MPP1: variants seen among roughly 807,000 people sequenced by gnomAD.
The protein encoded by MPP1 is 55 kDa erythrocyte membrane protein.
MPP1 carries 6 observed loss-of-function variants against 38.2 expected under a neutral mutation model. The observed-to-expected ratio is 0.16, with a 90% CI of 0.09 to 0.31. The LOEUF (loss-of-function observed/expected upper bound fraction) is 0.31. Among genes scored for constraint, MPP1 ranks in the 10% least tolerant of loss-of-function variants. MPP1 has a pLI of 1.00. For synonymous variants in MPP1, 153 were observed against 146.3 expected (o/e 1.05, Z -0.33); for missense variants, 293 against 368.9 (o/e 0.79, Z 1.69).
In MPP1 at chrX:154,784,016, A is replaced by G; in HGVS notation, c.865+12T>C. ...AAGACAGAAATGTGCAAATGGGGCA[A>G]TGAGAAGATACCGATCAGCACCAGG... On this transcript the variant is annotated intron_variant, in intron 8 of 11. Coordinates refer to ENST00000369534, the MANE Select transcript of MPP1 (RefSeq NM_002436.4). The G allele has an allele frequency of 8.3e-7, 1 of 1,203,884 alleles. No homozygotes were observed.
intron 10 of MPP1, 81 bp from the exon 11 acceptor site, chrX:154,781,394 CATAATGGATTCCTTCTAA>C: frequency 1.2e-6 from 1 of 850,554 alleles, no homozygotes; most frequent in Non-Finnish European, 1.7e-6. Flanking sequence ...ACATAGCTGT[CATAATGGATTCCTTCTAA>C]TAAGCAGCTT....
rs1327482286 is a variant in MPP1 at position 154,801,777 on chromosome X, A to AAAC, written c.102+3494_102+3495insGTT. 3.4e-4 allele frequency among the ~76,000 whole-genome samples: 30 copies of AAAC among 87,952 alleles called. 1 individual carries two copies. In the East Asian group the frequency reaches 9.8e-3, roughly 29 times the overall value. 76.4% of individuals were successfully genotyped at this position (87,952 alleles called of 115,157 possible). ...CTGTCTCAAAAAAAAAAAAAAAAAA[A>AAAC]AAAAAAAAACAAAAAACAGAAAAAA... On this transcript the variant is annotated intron_variant, in intron 1 of 11. Transcript: ENST00000369534.
chrX:154,795,193 GAGAA>G (rs2072181934), intron 1 of MPP1, among the ~76,000 whole-genome samples: 1 of 112,033 alleles, frequency 8.9e-6, no homozygotes, highest in Non-Finnish European at 1.9e-5. Flanking sequence ...GGGAAGTACT[GAGAA>G]AGAGAAACTG....
At chrX:154,805,174 G>T in intron 1 of MPP1, 98 bp downstream of exon 1, 2 of 877,933 alleles carry the variant, frequency 2.3e-6, no homozygotes, top group Non-Finnish European at 3.2e-6. Context: ...GACCCGCAAG[G>T]ACAGGCCCCC....
intron 1 of MPP1, among the ~76,000 whole-genome samples, chrX:154,798,130 T>A (rs1378561623): frequency 8.9e-6 from 1 of 112,529 alleles, no homozygotes; most frequent in Admixed American, 9.4e-5. Context: ...TACTCATAAC[T>A]GGTGAAGCTG....
chrX:154,789,156 T>C (rs1460075319), intron 5 of MPP1, among the ~76,000 whole-genome samples: 1 of 111,888 alleles, frequency 8.9e-6, no homozygotes, highest in Admixed American at 9.5e-5. Context: ...AAAACTGCAA[T>C]TTAAAAGTTT....
At chrX:154,795,341 G>A (rs2072183655) in intron 1 of MPP1, among the ~76,000 whole-genome samples, 1 of 111,781 alleles carries the variant, frequency 8.9e-6, no homozygotes, top group Non-Finnish European at 1.9e-5. Flanking sequence ...CACCATGTAG[G>A]TAGGAAAAGG....
chrX:154,792,179 C>T lies in MPP1; in HGVS notation c.209G>A (p.Arg70Gln), dbSNP rs1210266367. ...QVKGQEVRKV[R>Q]LIQFEKVTEE... ...TGTGACCTTCTCAAACTGTATGAGT[C>T]GCACTTTCCGCACCTCCTGTCCCTT... The change falls in exon 2 of 12, where the codon CGA becomes CAA. Residue 70 changes from arginine (R) to glutamine (Q), a missense_variant. By Grantham distance (43) the Arg-to-Gln change is conservative. Coordinates refer to ENST00000369534, the MANE Select transcript of MPP1 (RefSeq NM_002436.4). The T allele has an allele frequency of 9.1e-6, 11 of 1,210,035 alleles. No individual in the cohort carries two copies. Among genetic ancestry groups the T allele is most frequent in the Non-Finnish European group, 1.1e-5 (10 of 895,225 alleles).
chrX:154,784,191 C>T (rs1420147467), intron 7 of MPP1, 83 bp from the exon 8 acceptor site: 27 of 744,695 alleles, frequency 3.6e-5, no homozygotes, highest in Non-Finnish European at 5.3e-5. Context: ...GAAACAGCCT[C>T]GCGACATCTC....
rs1603430484 is a variant in MPP1, at chrX:154,805,473, G to T, written c.-100C>A. 1 of 841,350 alleles carries T rather than the reference G, an allele frequency of 1.2e-6. No individual in the cohort carries two copies. The highest frequency in any genetic ancestry group is 1.7e-6 in the Non-Finnish European group (1 of 600,623). 69.3% of individuals were successfully genotyped at this position (841,350 alleles called of 1,213,427 possible). A position where few individuals can be genotyped will look rare whatever the true frequency, so the allele number is the denominator to read the frequency against. On this transcript the variant is annotated 5_prime_UTR_variant, in exon 1 of 12. Coordinates refer to ENST00000369534, the MANE Select transcript of MPP1 (RefSeq NM_002436.4). ...GCGGAGAAGGCGGGAGACGCGGTGCGGCTGGGCCAGTCACCGCCCCGCAGG... is the reference window on the plus strand; with the variant it reads ...GCGGAGAAGGCGGGAGACGCGGTGCTGCTGGGCCAGTCACCGCCCCGCAGG...
rs782455919 is a variant in MPP1 at position 154,781,229 on chromosome X, C to G, written c.1224+10G>C. On this transcript the variant is annotated intron_variant, in intron 11 of 11. Transcript: ENST00000369534. Reference sequence around the variant, plus strand: ...AAGTGAACTACCCATCGCGCACAACCTCTCCTCACCTGAGTGCCCTGGTCA... The same window carrying G: ...AAGTGAACTACCCATCGCGCACAACGTCTCCTCACCTGAGTGCCCTGGTCA... The G allele has an allele frequency of 9.2e-6, 11 of 1,198,132 alleles. No homozygotes were observed. In the Admixed American group the frequency reaches 1.3e-4, roughly 15 times the overall value.
intron 1 of MPP1, among the ~76,000 whole-genome samples, chrX:154,795,872 G>A (rs2072190776): frequency 8.9e-6 from 1 of 111,974 alleles, no homozygotes; most frequent in African/African-American, 3.2e-5. Context: ...GGGGTGAGAA[G>A]GAAATTGTTT....
At chrX:154,780,994 T>C (rs1211814271) in intron 11 of MPP1, among the ~76,000 whole-genome samples, 3 of 112,312 alleles carry the variant, frequency 2.7e-5, no homozygotes, top group Non-Finnish European at 5.6e-5. Context: ...TGGAACTGTG[T>C]GCCTCCAGGA....
chrX:154,780,925 C>T (rs781853659), intron 11 of MPP1, among the ~76,000 whole-genome samples: 5 of 112,067 alleles, frequency 4.5e-5, no homozygotes, highest in South Asian at 7.4e-4. Flanking sequence ...CACAGCTTCC[C>T]CTGCCAGAGC....
chrX:154,794,651 G>A (rs1557268021), intron 1 of MPP1, among the ~76,000 whole-genome samples: 1 of 111,598 alleles, frequency 9.0e-6, no homozygotes, highest in East Asian at 2.8e-4. Flanking sequence ...GAAGGAGAAG[G>A]GTCCCTAGAT....
At position 154,799,880 on chromosome X, in the gene MPP1, T is replaced by C. The variant is rs2072242830; in HGVS notation, c.102+5392A>G. On this transcript the variant is annotated intron_variant, in intron 1 of 11. Transcript: ENST00000369534. ...AGCAGGGTTCAAAGGGCAGAGGCAG[T>C]TGCTCAAAGGAAGCTGGAATTTAAA... is the stretch of plus-strand genomic sequence containing the variant. 2.6e-6 allele frequency: 3 copies of C among 1,150,519 alleles called. No individual in the cohort carries two copies. In the African/African-American group the frequency reaches 5.4e-5, roughly 21 times the overall value. 94.8% of individuals were successfully genotyped at this position (1,150,519 alleles called of 1,213,427 possible). A position where few individuals can be genotyped will look rare whatever the true frequency, so the allele number is the denominator to read the frequency against.
In MPP1 at chrX:154,792,514, G is replaced by A. The variant is rs73561443; in HGVS notation, c.103-229C>T. The A allele has an allele frequency of 3.5e-3, 1,217 of 347,626 alleles. 11 individuals are homozygous for A. Among genetic ancestry groups the A allele is most frequent in the African/African-American group, 0.029 (1,106 of 38,799 alleles). The allele number at this position is 347,626 out of a possible 1,213,427, so 28.6% of individuals were successfully genotyped here. A position where few individuals can be genotyped will look rare whatever the true frequency, so the allele number is the denominator to read the frequency against. On this transcript the variant is annotated intron_variant, in intron 1 of 11. Coordinates refer to ENST00000369534, the MANE Select transcript of MPP1 (RefSeq NM_002436.4). ...ACCTGTAGTCCCAGCTACAGTCCCA[G>A]GGCAACAGAGTGAGACCCTGTCTCT... is the stretch of plus-strand genomic sequence containing the variant.
At chrX:154,785,833 G>A (rs2072065642) in intron 6 of MPP1, among the ~76,000 whole-genome samples, 1 of 112,396 alleles carries the variant, frequency 8.9e-6, no homozygotes, top group Non-Finnish European at 1.9e-5. Context: ...ACTTAAATGC[G>A]ACTGTTTTCT....
At chrX:154,793,757 A>G (rs1479091599) in intron 1 of MPP1, among the ~76,000 whole-genome samples, 2 of 112,006 alleles carry the variant, frequency 1.8e-5, no homozygotes, top group Non-Finnish European at 3.8e-5. Context: ...AGGAACGAGC[A>G]TTTTCAAAAC....
Sources: gnomAD v4.1 joint callset for allele counts (sites outside exome capture counted in the v4.1 genomes callset) on GRCh38, gnomAD v4.1.1 for gene constraint, MANE v1.5 for transcripts, NCBI Gene and HGNC (gene_info 2026-07-23, HGNC 2026-07-21) for gene names.